Variants in TMEM161A observed in about 807,000 individuals in gnomAD.
The protein encoded by TMEM161A is adaptive response to oxidative stress protein 29.
In TMEM161A, 46 loss-of-function variants were observed where a neutral mutation model predicts 57.1. That is an observed-to-expected ratio of 0.81 (90% CI 0.64 to 1.03). TMEM161A has a LOEUF of 1.03. Among genes scored for constraint, TMEM161A ranks in the 50% least tolerant of loss-of-function variants. The pLI is 0.00. For missense variants in TMEM161A, 601 were observed against 621.5 expected (o/e 0.97, Z 0.35); for synonymous variants, 288 against 279.0 (o/e 1.03, Z -0.32).
chr19:19,134,816 G>C lies in TMEM161A; in HGVS notation c.75C>G (p.Cys25Trp), dbSNP rs1385678393. Residue 25 changes from cysteine (C) to tryptophan (W), a missense_variant, in exon 2 of 12, where the codon TGC becomes TGG. Coordinates refer to ENST00000162044, the MANE Select transcript of TMEM161A (RefSeq NM_017814.3). ...ATLMHRLAPH[C>W]SFARWLLCNG... ...TACAGAGCAGCCAGCGCGCGAAGGAGCAGTGTGGCGCCAGCCTGTGCATGA... is the reference window on the plus strand; with the variant it reads ...TACAGAGCAGCCAGCGCGCGAAGGACCAGTGTGGCGCCAGCCTGTGCATGA... 4 of 1,593,212 alleles carry C rather than the reference G, an allele frequency of 2.5e-6. No homozygotes were observed. Among genetic ancestry groups the C allele is most frequent in the Non-Finnish European group, 3.4e-6 (4 of 1,171,138 alleles).
Position 19,121,641 on chromosome 19 carries a change from G to A in TMEM161A, c.684C>T (p.Arg228=), listed in dbSNP as rs372548521. ...WALPVAKLAI[R]VGLAVVGSVL... ...CAGAGCCCACCACTGCCAGTCCCAC[G>A]CGGATAGCCAGCTTGGCCACAGGAA... is the stretch of plus-strand genomic sequence containing the variant. Residue 228 remains arginine (R), a synonymous_variant, in exon 8 of 12, where the codon CGC becomes CGT. Coordinates refer to ENST00000162044, the MANE Select transcript of TMEM161A (RefSeq NM_017814.3). The surrounding 1 kb of genome is among the most constrained non-coding windows in gnomAD (Gnocchi z 5.8). The A allele has an allele frequency of 3.0e-5, 49 of 1,613,772 alleles. No homozygotes were observed. Among genetic ancestry groups the A allele is most frequent in the Middle Eastern group, 1.6e-4 (1 of 6,082 alleles).
At chr19:19,125,559 C>T (rs1748080369) in intron 6 of TMEM161A, among the ~76,000 whole-genome samples, 1 of 149,970 alleles carries the variant, frequency 6.7e-6, no homozygotes, top group Non-Finnish European at 1.5e-5. Context: ...CTCTGTTGCC[C>T]AGGCTGGAGT....
chr19:19,133,011 TG>T, intron 3 of TMEM161A, 118 bp downstream of exon 3: 1 of 926,946 alleles, frequency 1.1e-6, no homozygotes, highest in Non-Finnish European at 1.6e-6. Context: ...GATCAGCGCC[TG>T]GAAGTATGGG....
Position 19,119,808 on chromosome 19 carries a change from G to A in TMEM161A, c.*122C>T. On this transcript the variant is annotated 3_prime_UTR_variant, in exon 12 of 12. Coordinates refer to ENST00000162044, the MANE Select transcript of TMEM161A (RefSeq NM_017814.3). ...CGCGGGTCAGGCACTGTGGTGAAGG[G>A]AACGCCGGGGAGTCCGGCCCCACCT... 1 of 1,297,404 alleles carries A rather than the reference G, an allele frequency of 7.7e-7. No individual in the cohort carries two copies. Among genetic ancestry groups the A allele is most frequent in the African/African-American group, 1.5e-5 (1 of 67,458 alleles). The allele number at this position is 1,297,404 out of a possible 1,614,324, so 80.4% of individuals were successfully genotyped here. A position where few individuals can be genotyped will look rare whatever the true frequency, so the allele number is the denominator to read the frequency against.
rs778557536 is a variant in TMEM161A at position 19,121,305 on chromosome 19, C to A, written c.914+3G>T. ...CTACCTCCTAGCCCCACCCAATACG[C>A]ACAGGGAGAAACGCGTCTCCCCAAA... On this transcript the variant is annotated splice_donor_region_variant and intron_variant, in intron 9 of 11. Transcript: ENST00000162044. The surrounding 1 kb of genome is among the most constrained non-coding windows in gnomAD (Gnocchi z 5.8). The A allele has an allele frequency of 3.8e-6, 6 of 1,559,916 alleles. 1 individual carries two copies. Among genetic ancestry groups the A allele is most frequent in the Admixed American group, 3.9e-5 (2 of 51,422 alleles).
chr19:19,129,998 G>T (rs959800200), intron 6 of TMEM161A, among the ~76,000 whole-genome samples, 158 bp downstream of exon 6: 1 of 152,198 alleles, frequency 6.6e-6, no homozygotes, highest in Non-Finnish European at 1.5e-5. Flanking sequence ...GCCCAACAAG[G>T]TTCAGGAGCT....
In TMEM161A at chr19:19,132,077, G is replaced by A. The variant is rs75539352; in HGVS notation, c.443+275C>T. ...GGTAGAAAGAATAGGGATGGGGTGG[G>A]TGACTTTGGGCAAGGCATTCCCTCC... On this transcript the variant is annotated intron_variant, in intron 5 of 11. Transcript: ENST00000162044. This position sits in a 1 kb window ranked among gnomAD's most constrained non-coding sequence, Gnocchi z 4.3. 0.046 allele frequency among the ~76,000 whole-genome samples: 6,988 copies of A among 152,256 alleles called. 240 individuals carry two copies. The highest frequency in any genetic ancestry group is 0.089 in the Middle Eastern group (26 of 292).
intron 6 of TMEM161A, among the ~76,000 whole-genome samples, chr19:19,127,522 CCA>C (rs1820877295): frequency 6.6e-6 from 1 of 151,922 alleles, no homozygotes; most frequent in Admixed American, 6.6e-5. Context: ...CGGAGTTTCA[CCA>C]TGTTAGCCAG....
intron 6 of TMEM161A, among the ~76,000 whole-genome samples, chr19:19,129,380 G>T (rs977129383): frequency 1.3e-5 from 2 of 152,134 alleles, no homozygotes; most frequent in Admixed American, 6.6e-5. Context: ...GAGGGCTATG[G>T]TCTTTCTCCT....
At chr19:19,123,255 G>A (rs2059918378) in intron 6 of TMEM161A, among the ~76,000 whole-genome samples, 1 of 152,068 alleles carries the variant, frequency 6.6e-6, no homozygotes, top group Admixed American at 6.6e-5. Flanking sequence ...AAGGAATGAA[G>A]AATAAAAGGA....
rs2059899277 is a variant in TMEM161A at position 19,119,976 on chromosome 19, G to A, written c.1394C>T (p.Ala465Val). Residue 465 changes from alanine to valine, a missense_variant, in exon 12 of 12, where the codon GCC (alanine) becomes GTC (valine). Physicochemically the swap from Ala to Val is moderately conservative, Grantham distance 64. Transcript: ENST00000162044. ...GTGGAAGTAGAGGCCGAAAAGGCTG[G>A]CGAGCAGCTGGCAGGCAGCCGTCCA... is the stretch of plus-strand genomic sequence containing the variant. Reference protein sequence around the residue: ...IWWTAACQLLASLFGLYFHQH... With the variant: ...IWWTAACQLLVSLFGLYFHQH... The A allele has an allele frequency of 6.4e-7, 1 of 1,570,636 alleles. No individual in the cohort carries two copies. The highest frequency in any genetic ancestry group is 1.4e-5 in the African/African-American group (1 of 73,952).
chr19:19,120,120 G>C lies in TMEM161A; in HGVS notation c.1250C>G (p.Ala417Gly), dbSNP rs1299288122. 6.4e-7 allele frequency: 1 copy of C among 1,568,584 alleles called. No homozygotes were observed. Among genetic ancestry groups the C allele is most frequent in the Non-Finnish European group, 8.6e-7 (1 of 1,156,962 alleles). The part of the protein sequence containing the change: ...LLSPDPSSAS[A>G]APIGSGEDEV... ...GTCCTCCCCAGAGCCGATGGGGGCA[G>C]CGCTGGCTGAGGATGGGTCGGGGGA... is the stretch of plus-strand genomic sequence containing the variant. Residue 417 changes from alanine (A) to glycine (G), a missense_variant, in exon 12 of 12, where the codon GCT becomes GGT. Ala to Gly is a moderately conservative substitution (Grantham distance 60). Coordinates refer to ENST00000162044, the MANE Select transcript of TMEM161A (RefSeq NM_017814.3).
At position 19,121,139 on chromosome 19, in the gene TMEM161A, C is replaced by T. The variant is rs938223557; in HGVS notation, c.942G>A (p.Gly314=). 5.6e-6 allele frequency: 9 copies of T among 1,609,690 alleles called. No individual in the cohort carries two copies. The highest frequency in any genetic ancestry group is 1.6e-4 in the Middle Eastern group (1 of 6,074). Reference sequence around the variant, plus strand: ...ACAGCACCACCAGCAACCAGAGGCGCCCAGAGTCGAAGGCAGAATCGGACA... The same window carrying T: ...ACAGCACCACCAGCAACCAGAGGCGTCCAGAGTCGAAGGCAGAATCGGACA... ...SLLSDSAFDS[G]RLWLLVVLCL... is the part of the protein sequence containing the mutation. Residue 314 remains glycine (G), a synonymous_variant, in exon 10 of 12, where the codon GGG becomes GGA. Transcript: ENST00000162044. The surrounding 1 kb of genome is among the most constrained non-coding windows in gnomAD (Gnocchi z 5.8).
chr19:19,129,803 G>C (rs1324131356), intron 6 of TMEM161A, among the ~76,000 whole-genome samples: 6 of 152,014 alleles, frequency 3.9e-5, no homozygotes, highest in Admixed American at 3.9e-4. Flanking sequence ...AGCTTGGGAG[G>C]CTGAGGCAGG....
Position 19,121,717 on chromosome 19 carries a change from C to A in TMEM161A, c.656+42G>T. The A allele has an allele frequency of 6.2e-7, 1 of 1,613,454 alleles. No individual in the cohort carries two copies. Among genetic ancestry groups the A allele is most frequent in the South Asian group, 1.1e-5 (1 of 91,074 alleles). The stretch of plus-strand genomic sequence containing the variant: ...CCTGCCTGGGGGACCCTGGGAGGGT[C>A]CCAGCCTGCCCTTGCCTCCCTCCCC... On this transcript the variant is annotated intron_variant, in intron 7 of 11. Coordinates refer to ENST00000162044, the MANE Select transcript of TMEM161A (RefSeq NM_017814.3). The surrounding 1 kb of genome is among the most constrained non-coding windows in gnomAD (Gnocchi z 5.8).
At chr19:19,125,975 C>T (rs1014733361) in intron 6 of TMEM161A, among the ~76,000 whole-genome samples, 2 of 149,244 alleles carry the variant, frequency 1.3e-5, no homozygotes, top group African/African-American at 4.9e-5. Context: ...GTAAAAAATA[C>T]AAAAAGTAGG....
At chr19:19,125,514 CT>C (rs1187202482) in intron 6 of TMEM161A, among the ~76,000 whole-genome samples, 1,572 of 115,980 alleles carry the variant, frequency 0.014, 15 homozygotes, top group Middle Eastern at 0.042. Context: ...CCTTGCCCAG[CT>C]TTTTTTTTTT....
At position 19,121,143 on chromosome 19, in the gene TMEM161A, G is replaced by A. The variant is rs74182619; in HGVS notation, c.938C>T (p.Ser313Phe). 2.3e-4 allele frequency: 363 copies of A among 1,609,322 alleles called. No homozygotes were observed. The highest frequency in any genetic ancestry group is 3.0e-4 in the Non-Finnish European group (351 of 1,178,160). The stretch of plus-strand genomic sequence containing the variant: ...CACCACCAGCAACCAGAGGCGCCCA[G>A]AGTCGAAGGCAGAATCGGACAGCCT... Reference protein sequence around the residue: ...FSLLSDSAFDSGRLWLLVVLC... With the variant: ...FSLLSDSAFDFGRLWLLVVLC... Residue 313 changes from serine (S) to phenylalanine (F), a missense_variant, in exon 10 of 12, where the codon TCT becomes TTT. Coordinates refer to ENST00000162044, the MANE Select transcript of TMEM161A (RefSeq NM_017814.3). The surrounding 1 kb of genome is among the most constrained non-coding windows in gnomAD (Gnocchi z 5.8).
At position 19,121,159 on chromosome 19, in the gene TMEM161A, C is replaced by T. The variant is rs750390887; in HGVS notation, c.922G>A (p.Asp308Asn). 1.9e-5 allele frequency: 30 copies of T among 1,605,044 alleles called. No individual in the cohort carries two copies. Among genetic ancestry groups the T allele is most frequent in the Non-Finnish European group, 2.5e-5 (29 of 1,175,864 alleles). ...FGETRFSLLS[D>N]SAFDSGRLWL... The stretch of plus-strand genomic sequence containing the variant: ...AGGCGCCCAGAGTCGAAGGCAGAAT[C>T]GGACAGCCTGTGCGGAGAGGGCCGG... Residue 308 changes from aspartate to asparagine, a missense_variant, in exon 10 of 12, where the codon GAT becomes AAT. Transcript: ENST00000162044. The surrounding 1 kb of genome is among the most constrained non-coding windows in gnomAD (Gnocchi z 5.8).
Sources: gnomAD v4.1 joint callset for allele counts (sites outside exome capture counted in the v4.1 genomes callset) on GRCh38, gnomAD v4.1.1 for gene constraint, Gnocchi (gnomAD v3.1) non-coding constraint, MANE v1.5 for transcripts, NCBI Gene and HGNC (gene_info 2026-07-23, HGNC 2026-07-21) for gene names.